ATXN7L1: variants seen among roughly 807,000 people sequenced by gnomAD.
The protein encoded by ATXN7L1 is ataxin-7-like protein 1.
Under a neutral mutation model 70.8 loss-of-function variants are expected in ATXN7L1, and 15 were observed. That is an observed-to-expected ratio of 0.21 (90% CI 0.14 to 0.33). The LOEUF (loss-of-function observed/expected upper bound fraction) is 0.33. ATXN7L1 is among the 10% of genes least tolerant of loss of function. The pLI is 1.00. For synonymous variants in ATXN7L1, 440 were observed against 445.1 expected (o/e 0.99, Z 0.14); for missense variants, 975 against 1,097.1 (o/e 0.89, Z 1.57).
Position 105,633,613 on chromosome 7 carries a change from G to A in ATXN7L1, c.1202+4740C>T, listed in dbSNP as rs551706686. 7.2e-5 allele frequency among the ~76,000 whole-genome samples: 11 copies of A among 152,168 alleles called. No individual in the cohort carries two copies. In the East Asian group the frequency reaches 1.7e-3, roughly 24 times the overall value. ...TGGGCGCTTGTAATCCCAGCTACTC[G>A]GGAGGCTGAGGCAGGAAAATCGCTT... On this transcript the variant is annotated intron_variant, in intron 7 of 11. Transcript: ENST00000419735.
intron 2 of ATXN7L1, among the ~76,000 whole-genome samples, chr7:105,851,256 G>A (rs192868694): frequency 6.6e-6 from 1 of 152,248 alleles, no homozygotes; most frequent in African/African-American, 2.4e-5. Context: ...GAGAGGCAAG[G>A]TAGCTAGCCT....
intron 2 of ATXN7L1, among the ~76,000 whole-genome samples, chr7:105,793,164 C>T (rs947076407): frequency 5.3e-5 from 8 of 152,218 alleles, no homozygotes; most frequent in Non-Finnish European, 1.0e-4. Context: ...GGAAGGGCTT[C>T]CTGGATGACT....
At chr7:105,778,521 A>AC (rs1333963491) in intron 3 of ATXN7L1, among the ~76,000 whole-genome samples, 5 of 135,264 alleles carry the variant, frequency 3.7e-5, no homozygotes, top group South Asian at 2.2e-4. Context: ...AAAAAAAAAA[A>AC]AAAAAAAAAA....
chr7:105,727,531 C>T (rs1307590435), intron 3 of ATXN7L1, among the ~76,000 whole-genome samples: 1 of 150,726 alleles, frequency 6.6e-6, no homozygotes, highest in Non-Finnish European at 1.5e-5. Context: ...TAGCCAGGCA[C>T]GGTGGCACGT....
rs1262247853 is a variant in ATXN7L1, at chr7:105,746,889, T to C, written c.355+41715A>G. ...GATGGAACAGCCTTGCCTTCTGCAATGGTGAATGGGTGACTGCGGGCAGGA... is the reference window on the plus strand; with the variant it reads ...GATGGAACAGCCTTGCCTTCTGCAACGGTGAATGGGTGACTGCGGGCAGGA... On this transcript the variant is annotated intron_variant, in intron 3 of 11. Coordinates refer to ENST00000419735, the MANE Select transcript of ATXN7L1 (RefSeq NM_020725.2). Among the ~76,000 whole-genome samples, 4 of 152,348 alleles carry C rather than the reference T, an allele frequency of 2.6e-5. No individual in the cohort carries two copies. The East Asian group carries it at 7.7e-4, about 29-fold the overall frequency.
At chr7:105,810,454 T>TA (rs368891082) in intron 2 of ATXN7L1, among the ~76,000 whole-genome samples, 130 of 152,220 alleles carry the variant, frequency 8.5e-4, no homozygotes, top group African/African-American at 3.0e-3. Context: ...TAAAGTGTTA[T>TA]AAAAAAACAA....
At chr7:105,872,453 G>A (rs758254332) in intron 2 of ATXN7L1, among the ~76,000 whole-genome samples, 18 of 152,038 alleles carry the variant, frequency 1.2e-4, no homozygotes, top group African/African-American at 3.4e-4. Flanking sequence ...ATAACAAAAC[G>A]TAGTATATAT....
chr7:105,788,426 C>A, intron 3 of ATXN7L1, 178 bp downstream of exon 3: 1 of 587,702 alleles, frequency 1.7e-6, no homozygotes, highest in Non-Finnish European at 3.1e-6. Context: ...CGGATTTCAG[C>A]AGAAGGACTA....
intron 3 of ATXN7L1, among the ~76,000 whole-genome samples, chr7:105,705,938 C>T (rs1793103619): frequency 6.6e-6 from 1 of 152,134 alleles, no homozygotes. Context: ...CACCCTTCTT[C>T]GCATATAAAG....
At chr7:105,859,224 C>T (rs1816191192) in intron 2 of ATXN7L1, among the ~76,000 whole-genome samples, 1 of 151,844 alleles carries the variant, frequency 6.6e-6, no homozygotes, top group South Asian at 2.1e-4. Context: ...CTGTGACTTA[C>T]CAAATAGTTC....
intron 3 of ATXN7L1, among the ~76,000 whole-genome samples, chr7:105,698,077 T>A (rs964021513): frequency 6.6e-6 from 1 of 152,072 alleles, no homozygotes; most frequent in Non-Finnish European, 1.5e-5. Context: ...AAGGAAAGCA[T>A]GTTGGTAGCT....
intron 4 of ATXN7L1, among the ~76,000 whole-genome samples, chr7:105,660,084 C>T (rs1030617786): frequency 6.6e-6 from 1 of 151,976 alleles, no homozygotes; most frequent in East Asian, 1.9e-4. Context: ...CAAAGTCCTG[C>T]GGAGTTTTCC....
At chr7:105,684,781 G>A (rs557806951) in intron 3 of ATXN7L1, among the ~76,000 whole-genome samples, 4 of 152,296 alleles carry the variant, frequency 2.6e-5, no homozygotes, top group Non-Finnish European at 4.4e-5. Flanking sequence ...AGGGCAACTC[G>A]ATACATCCCT....
At chr7:105,639,660 G>T in intron 5 of ATXN7L1, 91 bp from the exon 6 acceptor site, 1 of 868,176 alleles carries the variant, frequency 1.2e-6, no homozygotes, top group Non-Finnish European at 1.8e-6. Flanking sequence ...ATGCACATTT[G>T]CACCAACAAG....
At chr7:105,738,186 T>A (rs1797621491) in intron 3 of ATXN7L1, among the ~76,000 whole-genome samples, 1 of 152,194 alleles carries the variant, frequency 6.6e-6, no homozygotes, top group Non-Finnish European at 1.5e-5. Flanking sequence ...AAAGCTCAAC[T>A]CTTTCGTGTG....
At position 105,788,697 on chromosome 7, in the gene ATXN7L1, A is replaced by G. The variant is rs1354530545; in HGVS notation, c.262T>C (p.Phe88Leu). 6.2e-7 allele frequency: 1 copy of G among 1,609,626 alleles called. No individual in the cohort carries two copies. Among genetic ancestry groups the G allele is most frequent in the Admixed American group, 1.7e-5 (1 of 60,014 alleles). Reference sequence around the variant, plus strand: ...TCGTCATGTGCTGGGTAATGGCCAAATAAGTGCATATCTGTGGGGGAAATG... The same window carrying G: ...TCGTCATGTGCTGGGTAATGGCCAAGTAAGTGCATATCTGTGGGGGAAATG... ...MRLNKEDMHL[F>L]GHYPAHDDFY... Residue 88 changes from phenylalanine (F) to leucine (L), a missense_variant, in exon 3 of 12, where the codon TTT becomes CTT. Physicochemically the swap from Phe to Leu is conservative, Grantham distance 22 (BLOSUM62 0). Around this residue, in one of 5 missense-constraint regions of ATXN7L1, gnomAD observed 135 missense variants for 132.6 expected, o/e 1.02. Transcript: ENST00000419735.
intron 2 of ATXN7L1, among the ~76,000 whole-genome samples, chr7:105,792,476 C>T (rs1363630044): frequency 6.6e-6 from 1 of 152,108 alleles, no homozygotes; most frequent in Non-Finnish European, 1.5e-5. Context: ...GCAATGCGGG[C>T]TGGGGGACAA....
intron 2 of ATXN7L1, among the ~76,000 whole-genome samples, chr7:105,820,745 A>G (rs1383975728): frequency 3.3e-5 from 5 of 152,104 alleles, no homozygotes; most frequent in African/African-American, 9.7e-5. Flanking sequence ...GGTGGGCCCT[A>G]TTAAGAGGTG....
intron 1 of ATXN7L1, 103 bp downstream of exon 1, chr7:105,876,275 G>A (rs770009562): frequency 3.0e-6 from 4 of 1,352,976 alleles, no homozygotes; most frequent in Admixed American, 2.8e-5. Flanking sequence ...GGAGGACACC[G>A]GGGGCCACTC....
Sources: allele counts gnomAD v4.1 joint callset (sites outside exome capture counted in the v4.1 genomes callset), GRCh38; gene constraint gnomAD v4.1.1; regional missense constraint gnomAD v4.1.1; transcripts MANE v1.5; gene names NCBI Gene and HGNC (gene_info 2026-07-23, HGNC 2026-07-21).